RIT2: variants seen among roughly 807,000 people sequenced by gnomAD.
RIT2 encodes the protein GTP-binding protein Rit2.
A neutral mutation model predicts 23.7 loss-of-function variants in RIT2; 24 were observed. The ratio of observed to expected loss-of-function variants is 1.01; its 90% CI spans 0.73 to 1.43. The LOEUF is 1.43. Among genes scored for constraint, RIT2 ranks in the 40% most tolerant of loss-of-function variants. The probability of loss-of-function intolerance (pLI) is 0.00; values close to 1 mark genes in which losing one functional copy is unlikely to be tolerated. For missense variants in RIT2, 236 were observed against 266.9 expected, an observed-to-expected ratio of 0.88 and a Z score of 0.81; for synonymous variants, 107 against 91.1, an observed-to-expected ratio of 1.17 and a Z score of -0.99.
At chr18:42,812,176 T>C (rs1905870669) in intron 4 of RIT2, among the ~76,000 whole-genome samples, 1 of 152,162 alleles carries the variant, frequency 6.6e-6, no homozygotes, top group African/African-American at 2.4e-5. Flanking sequence ...CTAGAGACTT[T>C]GAAAATAGCT....
intron 4 of RIT2, among the ~76,000 whole-genome samples, chr18:42,798,633 A>T (rs1163716000): frequency 6.6e-6 from 1 of 152,226 alleles, no homozygotes; most frequent in African/African-American, 2.4e-5. Context: ...AGGGAAGCAA[A>T]CTTGTCAAGG....
At chr18:42,944,425 C>T (rs1909676209) in intron 3 of RIT2, among the ~76,000 whole-genome samples, 1 of 152,062 alleles carries the variant, frequency 6.6e-6, no homozygotes, top group African/African-American at 2.4e-5. Flanking sequence ...CCTATATTTG[C>T]AGCAATGTCC....
At chr18:42,766,459 G>T (rs556146819) in intron 4 of RIT2, among the ~76,000 whole-genome samples, 1 of 152,192 alleles carries the variant, frequency 6.6e-6, no homozygotes, top group Non-Finnish European at 1.5e-5. Context: ...AGGGTATCTG[G>T]TGGAAGAAAT....
At chr18:43,029,119 T>C (rs959872639) in intron 2 of RIT2, among the ~76,000 whole-genome samples, 3 of 152,192 alleles carry the variant, frequency 2.0e-5, no homozygotes, top group African/African-American at 7.2e-5. Context: ...TCAGGAAGAC[T>C]TAACTCTATA....
intron 3 of RIT2, among the ~76,000 whole-genome samples, chr18:42,950,510 A>G (rs775673733): frequency 6.6e-6 from 1 of 152,080 alleles, no homozygotes; most frequent in Non-Finnish European, 1.5e-5. Flanking sequence ...AAGTCCCCAA[A>G]AGCAATTGCA....
At chr18:43,034,587 A>G (rs1462825913) in intron 1 of RIT2, among the ~76,000 whole-genome samples, 1 of 152,188 alleles carries the variant, frequency 6.6e-6, no homozygotes. Context: ...AGTGTATAAT[A>G]GCTCTTCTCT....
intron 1 of RIT2, among the ~76,000 whole-genome samples, chr18:43,058,026 C>G (rs1912550297): frequency 6.6e-6 from 1 of 151,934 alleles, no homozygotes; most frequent in Non-Finnish European, 1.5e-5. Context: ...TTAATTTTGG[C>G]ATAGCATCTG....
chr18:42,866,897 G>A (rs1368771674), intron 4 of RIT2, among the ~76,000 whole-genome samples: 1 of 152,020 alleles, frequency 6.6e-6, no homozygotes, highest in African/African-American at 2.4e-5. Context: ...CATGGCTTTT[G>A]TTCTATTTTG....
At chr18:42,904,180 C>T (rs1225666096) in intron 4 of RIT2, among the ~76,000 whole-genome samples, 1 of 152,014 alleles carries the variant, frequency 6.6e-6, no homozygotes, top group Non-Finnish European at 1.5e-5. Flanking sequence ...GAAAAAAGTA[C>T]TCTATTTCTA....
chr18:43,063,284 C>T (rs17878913), intron 1 of RIT2, among the ~76,000 whole-genome samples: 90,526 of 151,968 alleles, frequency 0.6, 28,417 homozygotes, highest in Non-Finnish European at 0.72. Flanking sequence ...GAATTTTTCT[C>T]ACAGCCAACC....
chr18:42,923,140 G>A (rs1023470859), intron 4 of RIT2, among the ~76,000 whole-genome samples: 4 of 152,126 alleles, frequency 2.6e-5, no homozygotes, highest in Middle Eastern at 3.2e-3. Flanking sequence ...TTGCCCACAT[G>A]TGTAGTATCT....
chr18:42,871,012 A>G (rs1373596228), intron 4 of RIT2, among the ~76,000 whole-genome samples: 1 of 152,190 alleles, frequency 6.6e-6, no homozygotes, highest in African/African-American at 2.4e-5. Context: ...CTGCAAAGCT[A>G]TCAATTATTG....
At chr18:42,947,231 G>T (rs1404493153) in intron 3 of RIT2, among the ~76,000 whole-genome samples, 1 of 152,078 alleles carries the variant, frequency 6.6e-6, no homozygotes, top group African/African-American at 2.4e-5. Flanking sequence ...TTGAGATGCA[G>T]ACATAGTGAA....
At chr18:43,048,877 T>C (rs1912313297) in intron 1 of RIT2, among the ~76,000 whole-genome samples, 1 of 152,206 alleles carries the variant, frequency 6.6e-6, no homozygotes, top group South Asian at 2.1e-4. Flanking sequence ...ATCATGGGAA[T>C]GCCAGTTGTT....
At chr18:42,935,836 G>A (rs1568034385) in intron 3 of RIT2, among the ~76,000 whole-genome samples, 1 of 152,078 alleles carries the variant, frequency 6.6e-6, no homozygotes, top group Non-Finnish European at 1.5e-5. Context: ...GTTTTCTGGA[G>A]TTTAAGTGCC....
At chr18:43,007,333 C>T (rs1293174130) in intron 2 of RIT2, among the ~76,000 whole-genome samples, 1 of 151,616 alleles carries the variant, frequency 6.6e-6, no homozygotes, top group East Asian at 1.9e-4. Flanking sequence ...AAGAATGGGG[C>T]CAGCATATGC....
At chr18:42,824,805 A>G (rs1236981653) in intron 4 of RIT2, among the ~76,000 whole-genome samples, 1 of 151,530 alleles carries the variant, frequency 6.6e-6, no homozygotes, top group African/African-American at 2.4e-5. Context: ...GAGAGAAAAA[A>G]ACTAAGGAGA....
intron 4 of RIT2, among the ~76,000 whole-genome samples, chr18:42,749,113 C>T (rs1275959107): frequency 6.6e-6 from 1 of 151,488 alleles, no homozygotes; most frequent in Non-Finnish European, 1.5e-5. Context: ...CAAAACATTG[C>T]AAAGAATAAA....
At chr18:42,970,510 T>C (rs1464839736) in intron 3 of RIT2, among the ~76,000 whole-genome samples, 1 of 152,028 alleles carries the variant, frequency 6.6e-6, no homozygotes, top group Non-Finnish European at 1.5e-5. Flanking sequence ...CCCCAAAATA[T>C]GGTACCTTGG....
Sources: gnomAD v4.1 joint callset for allele counts (sites outside exome capture counted in the v4.1 genomes callset) on GRCh38, gnomAD v4.1.1 for gene constraint, MANE v1.5 for transcripts, NCBI Gene and HGNC (gene_info 2026-07-23, HGNC 2026-07-21) for gene names.